The following PRUNE2 variants were observed in gnomAD, a reference collection of about 807,000 sequenced individuals.
The protein encoded by PRUNE2 is protein prune homolog 2.
In PRUNE2, 164 loss-of-function variants were observed where a neutral mutation model predicts 252.0. The ratio of observed to expected loss-of-function variants is 0.65; its 90% CI spans 0.57 to 0.74. The LOEUF (loss-of-function observed/expected upper bound fraction) is 0.74. Among genes scored for constraint, PRUNE2 ranks in the 30% least tolerant of loss-of-function variants. PRUNE2 has a pLI of 0.00. For missense variants in PRUNE2, 3,495 were observed against 3,711.0 expected (o/e 0.94, Z 1.51); for synonymous variants, 1,292 against 1,350.2 (o/e 0.96, Z 0.94).
At chr9:76,673,260 G>A (rs1266230098) in intron 9 of PRUNE2, among the ~76,000 whole-genome samples, 1 of 149,384 alleles carries the variant, frequency 6.7e-6, no homozygotes, top group Non-Finnish European at 1.5e-5. Context: ...CTACCATCAG[G>A]GAATACTACA....
At chr9:76,640,233 C>T (rs1841985424) in intron 12 of PRUNE2, among the ~76,000 whole-genome samples, 1 of 152,154 alleles carries the variant, frequency 6.6e-6, no homozygotes, top group South Asian at 2.1e-4. Context: ...CTGGTGATTT[C>T]ATGGCAGTAA....
At chr9:76,808,273 C>G (rs1001390832) in intron 6 of PRUNE2, among the ~76,000 whole-genome samples, 2 of 152,220 alleles carry the variant, frequency 1.3e-5, no homozygotes, top group African/African-American at 4.8e-5. Flanking sequence ...CTTGTGTTGT[C>G]TCTGTCACCA....
Position 76,897,412 on chromosome 9 carries a change from T to A in PRUNE2, c.36+8516A>T, listed in dbSNP as rs917633780. Among the ~76,000 whole-genome samples the A allele has an allele frequency of 4.3e-4, 53 of 122,976 alleles. 2 individuals carry two copies. Among genetic ancestry groups the A allele is most frequent in the African/African-American group, 1.6e-3 (52 of 32,152 alleles). The allele number at this position is 122,976 out of a possible 152,430, so 80.7% of individuals were successfully genotyped here. A position where few individuals can be genotyped will look rare whatever the true frequency, so the allele number is the denominator to read the frequency against. On this transcript the variant is annotated intron_variant, in intron 1 of 18. Coordinates refer to ENST00000376718, the MANE Select transcript of PRUNE2 (RefSeq NM_015225.3). ...CCTCTTTTTTTTTTTTTTTTTTTTT[T>A]TTTTTTTTTTTTTTTGAGATGGAGT...
intron 1 of PRUNE2, among the ~76,000 whole-genome samples, chr9:76,886,407 T>C (rs1166440540): frequency 1.3e-5 from 2 of 152,164 alleles, no homozygotes; most frequent in African/African-American, 4.8e-5. Context: ...TGATGGGATG[T>C]GAAACAAAAA....
At chr9:76,773,760 G>A (rs1326140933) in intron 6 of PRUNE2, among the ~76,000 whole-genome samples, 1 of 152,132 alleles carries the variant, frequency 6.6e-6, no homozygotes, top group African/African-American at 2.4e-5. Context: ...ATCTTATGTA[G>A]GTGCAGTAAT....
intron 6 of PRUNE2, among the ~76,000 whole-genome samples, chr9:76,722,258 CAG>C (rs1200144160): frequency 6.8e-6 from 1 of 146,546 alleles, no homozygotes; most frequent in Non-Finnish European, 1.5e-5. Context: ...TTAGTAGAGA[CAG>C]TGTTTCACCA....
chr9:76,636,572 G>GA lies in PRUNE2; in HGVS notation c.8964-16dup, dbSNP rs1203424442. ...TCTTCCTCAACCTATTTTGAAAAAA[G>GA]AAAAAAAATACATTACTCTTAACCC... On this transcript the variant is annotated splice_polypyrimidine_tract_variant and intron_variant, in intron 14 of 18. Coordinates refer to ENST00000376718, the MANE Select transcript of PRUNE2 (RefSeq NM_015225.3). 3.2e-5 allele frequency: 43 copies of GA among 1,361,072 alleles called. No individual in the cohort carries two copies. Among genetic ancestry groups the GA allele is most frequent in the Non-Finnish European group, 3.7e-5 (36 of 980,246 alleles). 84.3% of individuals were successfully genotyped at this position (1,361,072 alleles called of 1,614,324 possible).
chr9:76,704,663 C>T (rs373381943), intron 8 of PRUNE2, 98 bp downstream of exon 8: 3 of 878,164 alleles, frequency 3.4e-6, no homozygotes, highest in Middle Eastern at 3.5e-4. Flanking sequence ...TTAGTTTTCT[C>T]TCTACCCTCA....
intron 4 of PRUNE2, among the ~76,000 whole-genome samples, chr9:76,832,624 T>TA (rs957871312): frequency 5.9e-5 from 9 of 151,532 alleles, no homozygotes; most frequent in South Asian, 4.2e-4. Flanking sequence ...CGTTAAGTGT[T>TA]AAAAAAAATA....
chr9:76,615,499 T>A (rs1300287599), intron 18 of PRUNE2, among the ~76,000 whole-genome samples: 3 of 152,198 alleles, frequency 2.0e-5, no homozygotes, highest in Non-Finnish European at 4.4e-5. Context: ...TGCCTGCCCA[T>A]CCAGTTTACA....
intron 6 of PRUNE2, among the ~76,000 whole-genome samples, chr9:76,743,962 G>A (rs1428944889): frequency 6.6e-6 from 1 of 152,184 alleles, no homozygotes; most frequent in Non-Finnish European, 1.5e-5. Context: ...GGAAATGAGA[G>A]AATAGTAAAA....
At chr9:76,687,385 A>T (rs573948237) in intron 9 of PRUNE2, among the ~76,000 whole-genome samples, 36 of 152,336 alleles carry the variant, frequency 2.4e-4, no homozygotes, top group Non-Finnish European at 4.4e-4. Flanking sequence ...AAGGGGTAAC[A>T]CTGGTGGGCA....
chr9:76,880,168 C>A (rs2061697217), intron 1 of PRUNE2, among the ~76,000 whole-genome samples: 1 of 151,530 alleles, frequency 6.6e-6, no homozygotes, highest in Non-Finnish European at 1.5e-5. Context: ...CCTCCTCGGC[C>A]TCCCAAAGTG....
chr9:76,837,825 G>A (rs1473705676), intron 4 of PRUNE2, among the ~76,000 whole-genome samples: 2 of 148,542 alleles, frequency 1.3e-5, no homozygotes, highest in Non-Finnish European at 3.0e-5. Context: ...AGGCTGGAGT[G>A]CAGTGGCGCA....
intron 12 of PRUNE2, among the ~76,000 whole-genome samples, chr9:76,641,122 G>A (rs1323395137): frequency 2.0e-5 from 3 of 152,144 alleles, no homozygotes; most frequent in Non-Finnish European, 4.4e-5. Flanking sequence ...TTTAACTAAA[G>A]GAATACTACG....
At chr9:76,746,314 C>T (rs1040248771) in intron 6 of PRUNE2, among the ~76,000 whole-genome samples, 2 of 152,164 alleles carry the variant, frequency 1.3e-5, no homozygotes, top group African/African-American at 4.8e-5. Context: ...AGCCTCACCC[C>T]CCAACCTCGG....
intron 9 of PRUNE2, among the ~76,000 whole-genome samples, chr9:76,690,272 C>T (rs2044569666): frequency 6.6e-6 from 1 of 152,208 alleles, no homozygotes; most frequent in South Asian, 2.1e-4. Flanking sequence ...GAGAAACCAT[C>T]CCAGATACAA....
chr9:76,712,754 A>G (rs641088), intron 7 of PRUNE2, among the ~76,000 whole-genome samples: 78,734 of 152,042 alleles, frequency 0.52, 21,949 homozygotes, highest in Middle Eastern at 0.73. Context: ...CAGGCTGGTG[A>G]TGCAGGTCAG....
intron 1 of PRUNE2, among the ~76,000 whole-genome samples, chr9:76,897,214 C>G (rs1186467269): frequency 6.6e-6 from 1 of 151,998 alleles, no homozygotes; most frequent in Non-Finnish European, 1.5e-5. Context: ...CCACTCAGCC[C>G]TCCTATAAAC....
Sources: gnomAD v4.1 joint callset for allele counts (sites outside exome capture counted in the v4.1 genomes callset) on GRCh38, gnomAD v4.1.1 for gene constraint, MANE v1.5 for transcripts, NCBI Gene and HGNC (gene_info 2026-07-23, HGNC 2026-07-21) for gene names.